Variants in KAT6A observed in about 807,000 individuals in gnomAD.
The protein encoded by KAT6A is histone acetyltransferase KAT6A.
KAT6A carries 9 observed loss-of-function variants against 198.4 expected under a neutral mutation model. The ratio of observed to expected loss-of-function variants is 0.05; its 90% confidence interval spans 0.03 to 0.08. The LOEUF is 0.08. KAT6A is among the 10% of genes least tolerant of loss of function. The pLI, the probability that KAT6A is intolerant of heterozygous loss-of-function variation, is 1.00. For missense variants in KAT6A, 2,077 were observed against 2,509.9 expected (o/e 0.83, Z 3.69); for synonymous variants, 890 against 883.0 (o/e 1.01, Z -0.14).
chr8:42,000,321 C>T (rs543526250), intron 2 of KAT6A, among the ~76,000 whole-genome samples: 1 of 152,120 alleles, frequency 6.6e-6, no homozygotes, highest in African/African-American at 2.4e-5. Context: ...GAGGCTGATG[C>T]GGGTGCATCA....
intron 2 of KAT6A, among the ~76,000 whole-genome samples, 172 bp from the exon 3 acceptor site, chr8:41,987,735 C>T (rs966815048): frequency 6.6e-6 from 1 of 152,152 alleles, no homozygotes; most frequent in Non-Finnish European, 1.5e-5. Flanking sequence ...TCTGGCTGGG[C>T]CTTTACAACT....
intron 2 of KAT6A, among the ~76,000 whole-genome samples, chr8:42,025,803 T>C (rs1826785981): frequency 6.6e-6 from 1 of 152,252 alleles, no homozygotes; most frequent in East Asian, 1.9e-4. Flanking sequence ...ATCCATGCTT[T>C]CGAGGTCTTA....
chr8:42,013,683 T>G (rs1449194728), intron 2 of KAT6A, among the ~76,000 whole-genome samples: 2 of 152,238 alleles, frequency 1.3e-5, no homozygotes, highest in Non-Finnish European at 2.9e-5. Flanking sequence ...TTCAAAACTG[T>G]CCTTGATATT....
intron 2 of KAT6A, among the ~76,000 whole-genome samples, chr8:42,037,003 C>T (rs1434036800): frequency 6.6e-6 from 1 of 152,124 alleles, no homozygotes; most frequent in Non-Finnish European, 1.5e-5. Flanking sequence ...TGTCTTCTGA[C>T]TCTCTTAGCC....
At chr8:41,992,654 T>C (rs550765371) in intron 2 of KAT6A, among the ~76,000 whole-genome samples, 2 of 152,336 alleles carry the variant, frequency 1.3e-5, no homozygotes, top group East Asian at 1.9e-4. Context: ...AAGCTCATTG[T>C]ATCACTTTAG....
At chr8:42,027,734 T>C (rs1826898789) in intron 2 of KAT6A, among the ~76,000 whole-genome samples, 1 of 152,134 alleles carries the variant, frequency 6.6e-6, no homozygotes. Context: ...TAAAAAACTT[T>C]TCATTTTGTT....
At position 41,930,665 on chromosome 8, in the gene KAT6A, A is replaced by AAT. The variant is rs1304143990; in HGVS notation, c.*1538_*1539dup. ...AATAGTTTCCATCTTCTAATGATGG[A>AAT]ATATATATATATATATATGTGTGTG... On this transcript the variant is annotated 3_prime_UTR_variant, in exon 17 of 17. Transcript: ENST00000265713. 284 of 146,408 alleles carry AAT rather than the reference A, an allele frequency of 1.9e-3. 2 individuals are homozygous for AAT. The highest frequency in any genetic ancestry group is 4.0e-3 in the African/African-American group (141 of 35,300). The allele number at this position is 146,408 out of a possible 1,614,324, so 9.1% of individuals were successfully genotyped here. A position where few individuals can be genotyped will look rare whatever the true frequency, so the allele number is the denominator to read the frequency against.
chr8:41,963,730 T>C (rs1823321862), intron 8 of KAT6A, among the ~76,000 whole-genome samples: 1 of 151,936 alleles, frequency 6.6e-6, no homozygotes, highest in Admixed American at 6.5e-5. Context: ...CTTTAGCAGT[T>C]CCTCAAGAGC....
At chr8:41,980,769 T>C in intron 5 of KAT6A, 77 bp downstream of exon 5, 1 of 993,252 alleles carries the variant, frequency 1.0e-6, no homozygotes, top group East Asian at 2.4e-5. Flanking sequence ...TTATTTCATT[T>C]AACAAAGTAG....
At chr8:42,051,797 G>T (rs1587876420) in intron 1 of KAT6A, 104 bp downstream of exon 1, 1 of 147,212 alleles carries the variant, frequency 6.8e-6, no homozygotes, top group African/African-American at 2.5e-5. Context: ...GGCGGGGCCT[G>T]CAGCGGCCCG....
intron 2 of KAT6A, among the ~76,000 whole-genome samples, chr8:42,002,724 A>G (rs951162742): frequency 6.6e-6 from 1 of 152,182 alleles, no homozygotes; most frequent in African/African-American, 2.4e-5. Context: ...GCTATATAAC[A>G]CTTCACTAAA....
intron 2 of KAT6A, among the ~76,000 whole-genome samples, chr8:41,999,099 T>C (rs1825364048): frequency 6.6e-6 from 1 of 152,124 alleles, no homozygotes; most frequent in Non-Finnish European, 1.5e-5. Flanking sequence ...AATTTCCACT[T>C]TTACTATGTA....
At chr8:41,938,957 A>G (rs1162295657) in intron 15 of KAT6A, among the ~76,000 whole-genome samples, 1 of 149,236 alleles carries the variant, frequency 6.7e-6, no homozygotes, top group Non-Finnish European at 1.5e-5. Context: ...GGGGAAGGAA[A>G]AAAAAAAAAA....
chr8:41,958,784 G>A (rs1281118157), intron 8 of KAT6A, among the ~76,000 whole-genome samples: 2 of 152,156 alleles, frequency 1.3e-5, no homozygotes, highest in Non-Finnish European at 2.9e-5. Flanking sequence ...GCATAAGTAA[G>A]GAATACAAAT....
At chr8:42,032,871 C>CTTTTTTTTTTT (rs1163323345) in intron 2 of KAT6A, among the ~76,000 whole-genome samples, 1 of 76,518 alleles carries the variant, frequency 1.3e-5, no homozygotes, top group African/African-American at 5.7e-5. Flanking sequence ...AAAACCTTGG[C>CTTTTTTTTTTT]TTTTTTTTTT....
chr8:42,047,011 G>C (rs1479064488), intron 2 of KAT6A, among the ~76,000 whole-genome samples: 1 of 152,146 alleles, frequency 6.6e-6, no homozygotes, highest in African/African-American at 2.4e-5. Flanking sequence ...AAATCTACAG[G>C]TATTCAGTGG....
chr8:41,959,956 T>C (rs993668877), intron 8 of KAT6A, among the ~76,000 whole-genome samples: 1 of 145,344 alleles, frequency 6.9e-6, no homozygotes, highest in Non-Finnish European at 1.5e-5. Flanking sequence ...ACTCTGTCTT[T>C]AAAGAAAAAA....
At chr8:41,974,887 T>A in intron 7 of KAT6A, 65 bp from the exon 8 acceptor site, 1 of 951,488 alleles carries the variant, frequency 1.1e-6, no homozygotes, top group Non-Finnish European at 1.6e-6. Context: ...TAGAAAAAAT[T>A]TCAGGTCTTT....
chr8:42,019,847 T>C (rs1826444009), intron 2 of KAT6A, among the ~76,000 whole-genome samples: 1 of 152,208 alleles, frequency 6.6e-6, no homozygotes, highest in African/African-American at 2.4e-5. Context: ...AATGGGCATT[T>C]GTGCAGCTCT....
Sources: allele counts gnomAD v4.1 joint callset (sites outside exome capture counted in the v4.1 genomes callset), GRCh38; gene constraint gnomAD v4.1.1; transcripts MANE v1.5; gene names NCBI Gene and HGNC (gene_info 2026-07-23, HGNC 2026-07-21).